The following RORA variants were observed in gnomAD, a reference collection of about 807,000 sequenced individuals.
RORA encodes nuclear receptor ROR-alpha.
RORA carries 7 observed loss-of-function variants against 69.5 expected under a neutral mutation model. The ratio of observed to expected loss-of-function variants is 0.10; its 90% CI spans 0.06 to 0.19. RORA has a LOEUF of 0.19. RORA is among the 10% of genes least tolerant of loss of function. The pLI is 1.00. For synonymous variants in RORA, 261 were observed against 240.8 expected (o/e 1.08, Z -0.78); for missense variants, 457 against 663.0 (o/e 0.69, Z 3.41).
chr15:60,947,026 GC>G (rs1241789021), intron 1 of RORA, among the ~76,000 whole-genome samples: 2 of 122,476 alleles, frequency 1.6e-5, no homozygotes, highest in Non-Finnish European at 3.8e-5. Context: ...TGGGGGGCCA[GC>G]CCCCGCCCGG....
At chr15:60,591,773 G>A (rs2068521458) in intron 2 of RORA, among the ~76,000 whole-genome samples, 1 of 152,122 alleles carries the variant, frequency 6.6e-6, no homozygotes, top group Non-Finnish European at 1.5e-5. Flanking sequence ...TCCGGCCCGC[G>A]CGCTTTCGGA....
chr15:60,630,658 T>C (rs888138222), intron 2 of RORA: 2 of 152,242 alleles, frequency 1.3e-5, no homozygotes, highest in Admixed American at 6.5e-5. Flanking sequence ...GTGTCTTTGT[T>C]ATTTCAAATC....
chr15:60,990,045 A>C (rs1488033418), intron 1 of RORA, among the ~76,000 whole-genome samples: 1 of 152,236 alleles, frequency 6.6e-6, no homozygotes, highest in East Asian at 1.9e-4. Context: ...TAATACCACT[A>C]ATTTGAACTC....
chr15:60,799,591 G>A lies in RORA; in HGVS notation c.167-120905C>T, dbSNP rs186783943. Reference sequence around the variant, plus strand: ...AACTGCATTGGTCCAAAAACATTGCGGGGGAGATGAGTCACTAAGGTAAAC... The same window carrying A: ...AACTGCATTGGTCCAAAAACATTGCAGGGGAGATGAGTCACTAAGGTAAAC... On this transcript the variant is annotated intron_variant, in intron 1 of 10. Transcript: ENST00000335670. Among the ~76,000 whole-genome samples the A allele has an allele frequency of 3.1e-4, 47 of 151,404 alleles. No individual in the cohort carries two copies. The East Asian group carries it at 7.9e-3, about 26-fold the overall frequency.
intron 1 of RORA, among the ~76,000 whole-genome samples, chr15:60,912,079 G>A (rs542001233): frequency 6.6e-6 from 1 of 152,208 alleles, no homozygotes; most frequent in African/African-American, 2.4e-5. Context: ...AAACTCCTCA[G>A]TTTGTCCAAT....
chr15:60,560,332 A>G (rs1332394203), intron 2 of RORA, among the ~76,000 whole-genome samples: 2 of 151,888 alleles, frequency 1.3e-5, no homozygotes, highest in East Asian at 3.9e-4. Flanking sequence ...AGCTTGCCCT[A>G]GTTACACCCT....
At position 61,220,640 on chromosome 15, in the gene RORA, C is replaced by T. The variant is rs186723648; in HGVS notation, c.166+8413G>A. 1.6e-4 allele frequency among the ~76,000 whole-genome samples: 24 copies of T among 152,250 alleles called. No homozygotes were observed. In the East Asian group the frequency reaches 4.4e-3, roughly 28 times the overall value. On this transcript the variant is annotated intron_variant, in intron 1 of 10. Transcript: ENST00000335670. ...AATTAATTGGAAGAGTCAATAAACA[C>T]GGCTGCCAATTCCCTTTACACCCTA... is the stretch of plus-strand genomic sequence containing the variant.
At chr15:60,652,867 CT>C (rs1201429159) in intron 2 of RORA, among the ~76,000 whole-genome samples, 1 of 152,196 alleles carries the variant, frequency 6.6e-6, no homozygotes, top group Non-Finnish European at 1.5e-5. Context: ...CTGGTGCTTG[CT>C]CTCTTCCTCT....
At chr15:60,769,153 G>A (rs934355237) in intron 1 of RORA, among the ~76,000 whole-genome samples, 4 of 152,136 alleles carry the variant, frequency 2.6e-5, no homozygotes, top group Non-Finnish European at 5.9e-5. Context: ...GTTCTTAGCT[G>A]TTAGTCCCAG....
intron 1 of RORA, among the ~76,000 whole-genome samples, chr15:61,192,829 T>C (rs886892020): frequency 6.6e-6 from 1 of 152,178 alleles, no homozygotes; most frequent in Non-Finnish European, 1.5e-5. Context: ...AACATCTCAG[T>C]CTACATTTTC....
At chr15:60,954,090 C>T (rs1432762274) in intron 1 of RORA, among the ~76,000 whole-genome samples, 1 of 149,074 alleles carries the variant, frequency 6.7e-6, no homozygotes, top group African/African-American at 2.5e-5. Flanking sequence ...GGCACATATA[C>T]ACCATGGAAT....
chr15:61,114,313 C>A (rs1451106003), intron 1 of RORA, among the ~76,000 whole-genome samples: 1 of 152,142 alleles, frequency 6.6e-6, no homozygotes, highest in Non-Finnish European at 1.5e-5. Flanking sequence ...CAGGCACTTC[C>A]AAACTCATTT....
intron 1 of RORA, chr15:61,039,007 CAGAG>C (rs1200526078): frequency 6.6e-6 from 1 of 152,146 alleles, no homozygotes; most frequent in Non-Finnish European, 1.5e-5. Flanking sequence ...TAATTCTAAA[CAGAG>C]AGCCCCAAGC....
At chr15:60,516,153 ATATATATT>A (rs1567052073) in intron 3 of RORA, among the ~76,000 whole-genome samples, 1 of 31,572 alleles carries the variant, frequency 3.2e-5, no homozygotes, top group African/African-American at 1.3e-4. Flanking sequence ...ATATTTATAT[ATATATATT>A]TATATATATA....
intron 1 of RORA, among the ~76,000 whole-genome samples, chr15:60,730,714 T>C (rs1014379023): frequency 4.6e-5 from 7 of 152,342 alleles, no homozygotes; most frequent in African/African-American, 1.7e-4. Flanking sequence ...ATATCATGGA[T>C]TCATTTCCAA....
At chr15:60,798,422 C>A (rs2072528952) in intron 1 of RORA, among the ~76,000 whole-genome samples, 1 of 151,970 alleles carries the variant, frequency 6.6e-6, no homozygotes, top group Non-Finnish European at 1.5e-5. Flanking sequence ...TTGGAGAAAC[C>A]TTAGGACTCT....
In RORA at chr15:60,511,104, G is replaced by A. The variant is rs1012569093; in HGVS notation, c.820+122C>T. The A allele has an allele frequency of 2.7e-6, 3 of 1,122,692 alleles. No homozygotes were observed. In the African/African-American group the frequency reaches 4.7e-5, roughly 18 times the overall value. The allele number at this position is 1,122,692 out of a possible 1,614,324, so 69.5% of individuals were successfully genotyped here. On this transcript the variant is annotated intron_variant, in intron 5 of 10. Coordinates refer to ENST00000335670, the MANE Select transcript of RORA (RefSeq NM_134261.3). The surrounding 1 kb of genome is among the most constrained non-coding windows in gnomAD (Gnocchi z 6.4). ...AAGGGGGCAGGGCAGAAAATTAAGT[G>A]GCCCAAATGGTAAAGGTGAATTGCA...
At chr15:60,965,365 A>G (rs1893526258) in intron 1 of RORA, among the ~76,000 whole-genome samples, 1 of 152,072 alleles carries the variant, frequency 6.6e-6, no homozygotes, top group South Asian at 2.1e-4. Context: ...TTCTCTCACC[A>G]CCTAGTTAGT....
At chr15:61,187,757 C>T (rs1412568227) in intron 1 of RORA, among the ~76,000 whole-genome samples, 3 of 152,226 alleles carry the variant, frequency 2.0e-5, no homozygotes, top group East Asian at 3.9e-4. Flanking sequence ...TTGACAAGCC[C>T]GCACTGTTGG....
Sources: allele counts gnomAD v4.1 joint callset (sites outside exome capture counted in the v4.1 genomes callset), GRCh38; gene constraint gnomAD v4.1.1; non-coding constraint Gnocchi (gnomAD v3.1); transcripts MANE v1.5; gene names NCBI Gene and HGNC (gene_info 2026-07-23, HGNC 2026-07-21).